PLAC8: variants seen among roughly 807,000 people sequenced by gnomAD.
PLAC8 encodes the protein placenta associated 8.
In PLAC8, 6 loss-of-function variants were observed where a neutral mutation model predicts 12.6. That is an observed-to-expected ratio of 0.48 (90% CI 0.26 to 0.94). The LOEUF is 0.94. Ranked by LOEUF, PLAC8 falls within the 40% of genes least tolerant of loss-of-function variation. The pLI, the probability that PLAC8 is intolerant of heterozygous loss-of-function variation, is 0.14. For missense variants in PLAC8, 122 were observed against 152.7 expected (o/e 0.80, Z 1.06); for synonymous variants, 54 against 52.6 (o/e 1.03, Z -0.11).
At chr4:83,094,603 C>CA in intron 4 of PLAC8, 75 bp downstream of exon 4, 1 of 773,918 alleles carries the variant, frequency 1.3e-6, no homozygotes, top group South Asian at 1.7e-5. Flanking sequence ...TTCAAAACAA[C>CA]AAATAATTGA....
intron 4 of PLAC8, among the ~76,000 whole-genome samples, chr4:83,091,638 G>C (rs1278582532): frequency 6.6e-6 from 1 of 152,132 alleles, no homozygotes; most frequent in Non-Finnish European, 1.5e-5. Flanking sequence ...TACTTTTCAT[G>C]CTGTACTTTT....
intron 1 of PLAC8, among the ~76,000 whole-genome samples, chr4:83,112,077 G>A (rs1346220258): frequency 3.3e-5 from 5 of 151,884 alleles, no homozygotes; most frequent in Non-Finnish European, 7.4e-5. Context: ...GGGAGGCTGA[G>A]GCAGGAGAAT....
chr4:83,104,881 T>C lies in PLAC8; in HGVS notation c.243+15A>G, dbSNP rs1246383652. ...GGGTGCATATTTGAGTGAGATGGTATGGTAAGAGACTCACAGGGATGCCAT... is the reference window on the plus strand; with the variant it reads ...GGGTGCATATTTGAGTGAGATGGTACGGTAAGAGACTCACAGGGATGCCAT... On this transcript the variant is annotated intron_variant, in intron 3 of 4. Coordinates refer to ENST00000311507, the MANE Select transcript of PLAC8 (RefSeq NM_016619.3). 4 of 1,612,850 alleles carry C rather than the reference T, an allele frequency of 2.5e-6. No homozygotes were observed. The highest frequency in any genetic ancestry group is 3.3e-5 in the Admixed American group (2 of 59,992).
chr4:83,106,181 A>C (rs1732235303), intron 2 of PLAC8, among the ~76,000 whole-genome samples: 1 of 151,726 alleles, frequency 6.6e-6, no homozygotes, highest in Non-Finnish European at 1.5e-5. Flanking sequence ...TGTATTTTTT[A>C]GTAGAGATGG....
intron 2 of PLAC8, among the ~76,000 whole-genome samples, chr4:83,106,528 A>G (rs1048711781): frequency 1.3e-5 from 2 of 151,966 alleles, no homozygotes; most frequent in African/African-American, 4.8e-5. Flanking sequence ...AAGGTAGGAG[A>G]ATCACTTGAA....
At chr4:83,098,883 A>G (rs557432536) in intron 3 of PLAC8, among the ~76,000 whole-genome samples, 5 of 152,204 alleles carry the variant, frequency 3.3e-5, no homozygotes, top group African/African-American at 1.2e-4. Flanking sequence ...TCTCTTTCTA[A>G]CCTAATATTT....
At chr4:83,104,830 C>T in intron 3 of PLAC8, 66 bp downstream of exon 3, 2 of 1,524,598 alleles carry the variant, frequency 1.3e-6, no homozygotes, top group Non-Finnish European at 1.8e-6. Context: ...AAATGATCTC[C>T]ATGTTTATAA....
chr4:83,098,304 A>G (rs1250428455), intron 3 of PLAC8, among the ~76,000 whole-genome samples: 1 of 152,250 alleles, frequency 6.6e-6, no homozygotes, highest in Non-Finnish European at 1.5e-5. Flanking sequence ...AAAATTATTT[A>G]GCATTTTTCC....
intron 2 of PLAC8, among the ~76,000 whole-genome samples, chr4:83,106,475 G>C (rs1294050246): frequency 6.6e-6 from 1 of 151,848 alleles, no homozygotes; most frequent in Non-Finnish European, 1.5e-5. Flanking sequence ...AAAATTGGCT[G>C]GGTGTGGTTG....
chr4:83,092,649 GC>G, intron 4 of PLAC8, among the ~76,000 whole-genome samples: 1 of 151,860 alleles, frequency 6.6e-6, no homozygotes, highest in Non-Finnish European at 1.5e-5. Flanking sequence ...GCATGCTAAG[GC>G]CTTTAAAATC....
At chr4:83,102,492 C>T (rs1419621443) in intron 3 of PLAC8, among the ~76,000 whole-genome samples, 9 of 151,632 alleles carry the variant, frequency 5.9e-5, no homozygotes, top group African/African-American at 1.7e-4. Flanking sequence ...TGAGCCGAGA[C>T]GGCGCCACTG....
intron 2 of PLAC8, 143 bp from the exon 3 acceptor site, chr4:83,105,163 A>T: frequency 1.3e-5 from 12 of 895,214 alleles, no homozygotes; most frequent in South Asian, 1.1e-4. Context: ...CAATGTTTCT[A>T]TTCAGCTTTG....
chr4:83,104,848 T>G (rs1305375055), intron 3 of PLAC8, 48 bp downstream of exon 3: 1 of 1,593,250 alleles, frequency 6.3e-7, no homozygotes, highest in South Asian at 1.1e-5. Flanking sequence ...TAATAATTAT[T>G]TTGAATGGGG....
intron 3 of PLAC8, among the ~76,000 whole-genome samples, chr4:83,101,893 G>A (rs925561181): frequency 7.9e-5 from 12 of 152,126 alleles, no homozygotes; most frequent in African/African-American, 2.4e-4. Flanking sequence ...ATGACAGCAC[G>A]TGTTGACAGC....
At chr4:83,111,460 C>T (rs535095726) in intron 1 of PLAC8, among the ~76,000 whole-genome samples, 3 of 149,640 alleles carry the variant, frequency 2.0e-5, no homozygotes, top group East Asian at 2.0e-4. Context: ...GGTGACAGAG[C>T]GAGACTCTTA....
At chr4:83,100,177 A>G (rs1732057995) in intron 3 of PLAC8, among the ~76,000 whole-genome samples, 1 of 150,060 alleles carries the variant, frequency 6.7e-6, no homozygotes, top group African/African-American at 2.5e-5. Context: ...GCTACTTGGG[A>G]GGCTGAGGCA....
chr4:83,114,311 C>T (rs1354576877), intron 1 of PLAC8, among the ~76,000 whole-genome samples: 2 of 152,086 alleles, frequency 1.3e-5, no homozygotes, highest in Non-Finnish European at 2.9e-5. Context: ...ATTAGACCGG[C>T]ATAAGTCAAC....
At chr4:83,101,990 T>G (rs72666521) in intron 3 of PLAC8, among the ~76,000 whole-genome samples, 54,651 of 151,904 alleles carry the variant, frequency 0.36, 11,595 homozygotes, top group East Asian at 0.64. Flanking sequence ...ACTAACAATG[T>G]ACCTAGACAT....
intron 4 of PLAC8, chr4:83,094,420 T>C (rs1222563478): frequency 6.3e-6 from 2 of 319,124 alleles, no homozygotes; most frequent in East Asian, 1.5e-4. Flanking sequence ...TGGTAAGTGC[T>C]TCCTTAATAG....
Sources: allele counts gnomAD v4.1 joint callset (sites outside exome capture counted in the v4.1 genomes callset), GRCh38; gene constraint gnomAD v4.1.1; transcripts MANE v1.5; gene names NCBI Gene and HGNC (gene_info 2026-07-23, HGNC 2026-07-21).